Variants in TLL2 observed in about 807,000 individuals in gnomAD.
The protein encoded by TLL2 is tolloid-like protein 2.
TLL2 carries 106 observed loss-of-function variants against 123.0 expected under a neutral mutation model. That is an observed-to-expected ratio of 0.86 (90% CI 0.74 to 1.01). TLL2 has a LOEUF of 1.01. TLL2 is among the 50% of genes least tolerant of loss of function. TLL2 has a pLI of 0.00. For synonymous variants in TLL2, 494 were observed against 516.8 expected, an observed-to-expected ratio of 0.96 and a Z score of 0.60; for missense variants, 1,332 against 1,336.7, an observed-to-expected ratio of 1.00 and a Z score of 0.06.
intron 11 of TLL2, among the ~76,000 whole-genome samples, chr10:96,396,581 C>CTTT (rs1177349566): frequency 0.11 from 13,955 of 125,206 alleles, 996 homozygotes; most frequent in South Asian, 0.18. Flanking sequence ...TTTCCCCTTT[C>CTTT]TTTTTTTTTT....
intron 10 of TLL2, among the ~76,000 whole-genome samples, chr10:96,402,129 C>T (rs1238366151): frequency 6.6e-6 from 1 of 152,196 alleles, no homozygotes; most frequent in Non-Finnish European, 1.5e-5. Flanking sequence ...CGAAACTCCT[C>T]CCACATAGCT....
chr10:96,507,093 G>A (rs1240657774), intron 1 of TLL2, among the ~76,000 whole-genome samples: 1 of 152,012 alleles, frequency 6.6e-6, no homozygotes, highest in Non-Finnish European at 1.5e-5. Context: ...CTCCAAGAGG[G>A]GCCTGATACG....
chr10:96,387,860 A>G (rs1846252591), intron 13 of TLL2, among the ~76,000 whole-genome samples: 1 of 152,224 alleles, frequency 6.6e-6, no homozygotes, highest in Non-Finnish European at 1.5e-5. Context: ...GAAAAAAAGA[A>G]AAACCAAAAC....
intron 13 of TLL2, among the ~76,000 whole-genome samples, chr10:96,387,374 G>C (rs574864243): frequency 1.8e-4 from 27 of 152,282 alleles, no homozygotes; most frequent in African/African-American, 6.5e-4. Context: ...GGTCATTTGA[G>C]ACTTCAAAAA....
At chr10:96,411,563 T>C (rs1295890850) in intron 8 of TLL2, among the ~76,000 whole-genome samples, 1 of 152,248 alleles carries the variant, frequency 6.6e-6, no homozygotes, top group East Asian at 1.9e-4. Flanking sequence ...AAATGAAGGG[T>C]ACCTGTATGA....
chr10:96,445,844 T>G lies in TLL2; in HGVS notation c.364+247A>C, dbSNP rs567673527. ...GCCAGTGAGATAGGAAAAGATTCCA[T>G]AAGAGCTATCCAAGGCCATGGACTA... On this transcript the variant is annotated intron_variant, in intron 3 of 20. Transcript: ENST00000357947. Among the ~76,000 whole-genome samples, 10 of 152,190 alleles carry G rather than the reference T, an allele frequency of 6.6e-5. No homozygotes were observed. In the South Asian group the frequency reaches 2.1e-3, roughly 32 times the overall value.
intron 3 of TLL2, among the ~76,000 whole-genome samples, chr10:96,445,016 C>T (rs534571446): frequency 2.6e-5 from 4 of 152,050 alleles, no homozygotes; most frequent in Admixed American, 6.5e-5. Context: ...GGTGAAACCC[C>T]GTCTCTACTA....
At chr10:96,507,943 G>T (rs1171665988) in intron 1 of TLL2, among the ~76,000 whole-genome samples, 1 of 152,176 alleles carries the variant, frequency 6.6e-6, no homozygotes, top group Admixed American at 6.5e-5. Flanking sequence ...ATCAGCACCT[G>T]CCCATCAGCA....
chr10:96,495,238 T>TG lies in TLL2; in HGVS notation c.176-14780dup, dbSNP rs111435010. Among the ~76,000 whole-genome samples the TG allele has an allele frequency of 3.3e-3, 499 of 151,838 alleles. 4 individuals carry two copies. Among genetic ancestry groups the TG allele is most frequent in the African/African-American group, 0.012 (481 of 41,374 alleles). ...ATTCCTCTCAGGAAACAGGCTGAGG[T>TG]GGGGTGGAGGGGCCAGAGGCGGGGA... On this transcript the variant is annotated intron_variant, in intron 1 of 20. Transcript: ENST00000357947.
At chr10:96,401,944 A>G (rs949062167) in intron 10 of TLL2, among the ~76,000 whole-genome samples, 3 of 152,226 alleles carry the variant, frequency 2.0e-5, no homozygotes, top group Admixed American at 6.5e-5. Context: ...CCTTGGGTTC[A>G]GCAGTCACCT....
chr10:96,459,046 T>G (rs936138207), intron 2 of TLL2, among the ~76,000 whole-genome samples: 2 of 152,100 alleles, frequency 1.3e-5, no homozygotes, highest in African/African-American at 4.8e-5. Context: ...AAGAGGAGAA[T>G]TATGCATTTT....
chr10:96,480,279 C>A, intron 2 of TLL2, 70 bp downstream of exon 2: 1 of 1,326,864 alleles, frequency 7.5e-7, no homozygotes, highest in Non-Finnish European at 1.1e-6. Context: ...GACTCGTGGA[C>A]CACATCTCCC....
At chr10:96,469,827 A>G (rs544850683) in intron 2 of TLL2, among the ~76,000 whole-genome samples, 1 of 152,398 alleles carries the variant, frequency 6.6e-6, no homozygotes, top group Admixed American at 6.5e-5. Flanking sequence ...AAGGAGAGAT[A>G]GAGAGAAAGC....
At chr10:96,411,932 C>T (rs1412669702) in intron 8 of TLL2, among the ~76,000 whole-genome samples, 1 of 152,136 alleles carries the variant, frequency 6.6e-6, no homozygotes, top group African/African-American at 2.4e-5. Context: ...TCAACACCCC[C>T]AAGGGTTCCA....
At chr10:96,483,377 A>T (rs995934967) in intron 1 of TLL2, among the ~76,000 whole-genome samples, 1 of 152,200 alleles carries the variant, frequency 6.6e-6, no homozygotes, top group Non-Finnish European at 1.5e-5. Context: ...AACGTTCCCC[A>T]TCCTAGGCGC....
At position 96,370,310 on chromosome 10, in the gene TLL2, C is replaced by T. The variant is rs749595057; in HGVS notation, c.2668G>A (p.Gly890Arg). The T allele has an allele frequency of 6.3e-7, 1 of 1,574,978 alleles. No individual in the cohort carries two copies. The highest frequency in any genetic ancestry group is 8.6e-7 in the Non-Finnish European group (1 of 1,158,732). The change falls in exon 20 of 21, where the codon GGG becomes AGG. Residue 890 changes from glycine to arginine, a missense_variant. Gly to Arg is a moderately radical substitution (Grantham distance 125). Transcript: ENST00000357947. ...GFQAVHSTECGGRLKAEVQTK... is the reference protein window; with the variant it reads ...GFQAVHSTECRGRLKAEVQTK... Reference sequence around the variant, plus strand: ...TGCACTTCAGCCTTCAGCCTGCCCCCGCACTCTGGAGCAGAGAGAAGTGAG... The same window carrying T: ...TGCACTTCAGCCTTCAGCCTGCCCCTGCACTCTGGAGCAGAGAGAAGTGAG...
chr10:96,425,831 T>C (rs1358093620), intron 5 of TLL2, among the ~76,000 whole-genome samples: 1 of 151,992 alleles, frequency 6.6e-6, no homozygotes, highest in East Asian at 1.9e-4. Flanking sequence ...TCACAGTTTT[T>C]CTTTCTTTCT....
At chr10:96,404,008 T>C (rs1233603902) in intron 10 of TLL2, among the ~76,000 whole-genome samples, 6 of 151,986 alleles carry the variant, frequency 3.9e-5, no homozygotes, top group Non-Finnish European at 8.8e-5. Context: ...TGCTCACATG[T>C]TTGTTGCTGA....
At chr10:96,383,256 A>G (rs1326786222) in intron 16 of TLL2, among the ~76,000 whole-genome samples, 1 of 152,136 alleles carries the variant, frequency 6.6e-6, no homozygotes, top group Non-Finnish European at 1.5e-5. Context: ...GTAGGGTCCA[A>G]TGTGCTGCTG....
Sources: allele counts gnomAD v4.1 joint callset (sites outside exome capture counted in the v4.1 genomes callset), GRCh38; gene constraint gnomAD v4.1.1; transcripts MANE v1.5; gene names NCBI Gene and HGNC (gene_info 2026-07-23, HGNC 2026-07-21).